Variants in DLGAP4 observed in about 807,000 individuals in gnomAD.
DLGAP4 encodes the protein disks large-associated protein 4.
Under a neutral mutation model 86.9 loss-of-function variants are expected in DLGAP4, and 18 were observed. That is an observed-to-expected ratio of 0.21 (90% CI 0.14 to 0.31). The LOEUF (loss-of-function observed/expected upper bound fraction) is 0.31. Ranked by LOEUF, DLGAP4 falls within the 10% of genes least tolerant of loss-of-function variation. The pLI, the probability that DLGAP4 is intolerant of heterozygous loss-of-function variation, is 1.00. For synonymous variants in DLGAP4, 548 were observed against 574.3 expected, an observed-to-expected ratio of 0.95 and a Z score of 0.65; for missense variants, 1,085 against 1,362.6, an observed-to-expected ratio of 0.80 and a Z score of 3.21.
rs944210304 is a variant in DLGAP4, at chr20:36,423,621, G to A, written c.-72-8025G>A. ...AGGGGAACAGAGTGTGACTGATACT[G>A]ATTGGGCATCGAAATGCGAGGCTTT... On this transcript the variant is annotated intron_variant, in intron 2 of 12. Transcript: ENST00000339266. 2.6e-5 allele frequency among the ~76,000 whole-genome samples: 4 copies of A among 151,998 alleles called. No homozygotes were observed. In the East Asian group the frequency reaches 7.7e-4, roughly 29 times the overall value.
chr20:36,435,470 A>G (rs896749115), intron 3 of DLGAP4, among the ~76,000 whole-genome samples: 4 of 152,184 alleles, frequency 2.6e-5, no homozygotes, highest in African/African-American at 9.7e-5. Flanking sequence ...CACCTGCCCT[A>G]TCACAGCCCC....
At chr20:36,349,072 C>T (rs1555893240) in intron 1 of DLGAP4, among the ~76,000 whole-genome samples, 1 of 127,516 alleles carries the variant, frequency 7.8e-6, no homozygotes, top group Non-Finnish European at 1.6e-5. Flanking sequence ...CACTGCACTC[C>T]AGCCTGGGCG....
chr20:36,521,810 T>G (rs1034990411), intron 10 of DLGAP4, among the ~76,000 whole-genome samples: 2 of 152,244 alleles, frequency 1.3e-5, no homozygotes, highest in Non-Finnish European at 2.9e-5. Flanking sequence ...GTTACAATTT[T>G]CATCTATTCC....
Position 36,419,513 on chromosome 20 carries a change from T to C in DLGAP4, c.-72-12133T>C, listed in dbSNP as rs556160055. Among the ~76,000 whole-genome samples, 3 of 152,280 alleles carry C rather than the reference T, an allele frequency of 2.0e-5. 1 individual carries two copies. The highest frequency in any genetic ancestry group is 4.1e-4 in the South Asian group (2 of 4,822). ...AATATGTATCATCTCACAGAGCTTC[T>C]AGGGGTCAGGAATCGGGTAATGGCT... On this transcript the variant is annotated intron_variant, in intron 2 of 12. Coordinates refer to ENST00000339266, the MANE Select transcript of DLGAP4 (RefSeq NM_001365621.2).
At chr20:36,394,626 G>A (rs1052300413) in intron 2 of DLGAP4, among the ~76,000 whole-genome samples, 3 of 152,152 alleles carry the variant, frequency 2.0e-5, no homozygotes, top group Non-Finnish European at 4.4e-5. Context: ...GCTTCCCCAC[G>A]CTGTCGCCAT....
At chr20:36,499,368 T>TGCCC (rs750985098) in intron 8 of DLGAP4, 644 of 959,978 alleles carry the variant, frequency 6.7e-4, no homozygotes, top group Middle Eastern at 1.9e-3. Flanking sequence ...CCCGCCCACC[T>TGCCC]GCCCGCCCGC....
At position 36,415,153 on chromosome 20, in the gene DLGAP4, C is replaced by G. The variant is rs187957107; in HGVS notation, c.-72-16493C>G. Among the ~76,000 whole-genome samples the G allele has an allele frequency of 6.6e-5, 10 of 152,320 alleles. No individual in the cohort carries two copies. The East Asian group carries it at 1.9e-3, about 29-fold the overall frequency. On this transcript the variant is annotated intron_variant, in intron 2 of 12. Coordinates refer to ENST00000339266, the MANE Select transcript of DLGAP4 (RefSeq NM_001365621.2). ...TGATGGCACATGCCTGTAATCCCAG[C>G]TACTCAGGAGGCTGAGGCATGAAAA...
chr20:36,379,145 T>C (rs576211666), intron 2 of DLGAP4, among the ~76,000 whole-genome samples: 1 of 152,188 alleles, frequency 6.6e-6, no homozygotes, highest in East Asian at 1.9e-4. Context: ...GCCCTCTTTG[T>C]CCTCTCAAGC....
rs542909113 is a variant in DLGAP4 at position 36,336,957 on chromosome 20, T to A, written c.-303-30088T>A. 3.9e-5 allele frequency among the ~76,000 whole-genome samples: 6 copies of A among 152,176 alleles called. No individual in the cohort carries two copies. In the South Asian group the frequency reaches 1.2e-3, roughly 32 times the overall value. ...CCCCTCTCTGCTGTGCGCACACCTC[T>A]CCCTCCTCCTACAGCAAATACATTT... On this transcript the variant is annotated intron_variant, in intron 1 of 12. Transcript: ENST00000339266.
intron 2 of DLGAP4, among the ~76,000 whole-genome samples, chr20:36,391,249 A>T (rs2031774963): frequency 6.6e-6 from 1 of 152,086 alleles, no homozygotes. Context: ...TCTGACCATG[A>T]ACTCCTCTGC....
chr20:36,386,126 C>T (rs1337914274), intron 2 of DLGAP4, among the ~76,000 whole-genome samples: 1 of 144,136 alleles, frequency 6.9e-6, no homozygotes, highest in East Asian at 2.1e-4. Context: ...AAGCCCACCT[C>T]GTCCACACTC....
At chr20:36,337,524 G>T (rs2065335195) in intron 1 of DLGAP4, among the ~76,000 whole-genome samples, 1 of 152,206 alleles carries the variant, frequency 6.6e-6, no homozygotes, top group Non-Finnish European at 1.5e-5. Context: ...AGAGGGCTGG[G>T]TCTGCCCTGT....
At chr20:36,448,923 G>A (rs543953946) in intron 7 of DLGAP4, among the ~76,000 whole-genome samples, 18 of 152,048 alleles carry the variant, frequency 1.2e-4, no homozygotes, top group African/African-American at 4.1e-4. Flanking sequence ...GACAGAGCAA[G>A]ACCTTGTCTC....
Position 36,500,543 on chromosome 20 carries a change from C to G in DLGAP4, c.2444C>G (p.Thr815Arg). The change falls in exon 10 of 13, where the codon ACA becomes AGA. Residue 815 changes from threonine (T) to arginine (R), a missense_variant. Transcript: ENST00000339266. The surrounding 1 kb of genome is among the most constrained non-coding windows in gnomAD (Gnocchi z 4.6). The stretch of plus-strand genomic sequence containing the variant: ...TTCCTAAAGCTACTGCAGGCAGAAA[C>G]AGAGCGGCTGGAAGGCTGGTGCTGC... ...YWFLKLLQAE[T>R]ERLEGWCCQM... The G allele has an allele frequency of 1.9e-6, 3 of 1,548,106 alleles. No individual in the cohort carries two copies. Among genetic ancestry groups the G allele is most frequent in the Non-Finnish European group, 2.6e-6 (3 of 1,150,288 alleles).
At chr20:36,470,672 A>G (rs2034621026) in intron 7 of DLGAP4, among the ~76,000 whole-genome samples, 1 of 151,966 alleles carries the variant, frequency 6.6e-6, no homozygotes, top group Non-Finnish European at 1.5e-5. Context: ...AGAAATACTC[A>G]GCATCACGTG....
chr20:36,355,631 A>G (rs1322075597), intron 1 of DLGAP4, among the ~76,000 whole-genome samples: 1 of 152,222 alleles, frequency 6.6e-6, no homozygotes, highest in Non-Finnish European at 1.5e-5. Flanking sequence ...ATGTTGTTGC[A>G]TGTATCAGTG....
intron 1 of DLGAP4, among the ~76,000 whole-genome samples, chr20:36,311,357 T>C (rs2147331110): frequency 6.6e-6 from 1 of 152,168 alleles, no homozygotes; most frequent in South Asian, 2.1e-4. Context: ...GGGCCCAGGA[T>C]CCTTCTGTGC....
intron 1 of DLGAP4, among the ~76,000 whole-genome samples, chr20:36,307,272 C>T (rs1380873753): frequency 2.0e-5 from 3 of 152,196 alleles, no homozygotes; most frequent in Non-Finnish European, 2.9e-5. Flanking sequence ...GAGCTGGTGG[C>T]GGATGGACCA....
intron 7 of DLGAP4, among the ~76,000 whole-genome samples, chr20:36,487,727 C>G (rs757465297): frequency 1.3e-5 from 2 of 152,116 alleles, no homozygotes; most frequent in African/African-American, 2.4e-5. Context: ...CCAGAAAGGC[C>G]CCCAGATTGC....
Sources: gnomAD v4.1 joint callset for allele counts (sites outside exome capture counted in the v4.1 genomes callset) on GRCh38, gnomAD v4.1.1 for gene constraint, Gnocchi (gnomAD v3.1) non-coding constraint, MANE v1.5 for transcripts, NCBI Gene and HGNC (gene_info 2026-07-23, HGNC 2026-07-21) for gene names.